Variants in MYH10 observed in about 807,000 individuals in gnomAD.
The protein encoded by MYH10 is myosin-10.
Under a neutral mutation model 257.8 loss-of-function variants are expected in MYH10, and 55 were observed. The ratio of observed to expected loss-of-function variants is 0.21; its 90% CI spans 0.17 to 0.27. The LOEUF (loss-of-function observed/expected upper bound fraction) is 0.27, where lower values mean the gene tolerates loss of function less well. MYH10 is among the 10% of genes least tolerant of loss of function. The pLI, the probability that MYH10 is intolerant of heterozygous loss-of-function variation, is 1.00. For missense variants in MYH10, 1,631 were observed against 2,500.6 expected (o/e 0.65, Z 7.42); for synonymous variants, 854 against 921.7 (o/e 0.93, Z 1.33).
At chr17:8,480,054 GTC>G in intron 40 of MYH10, 54 bp downstream of exon 40, 3 of 1,574,008 alleles carry the variant, frequency 1.9e-6, no homozygotes, top group African/African-American at 2.7e-5. Flanking sequence ...TGCCTGTTTT[GTC>G]TCTGACTGAG....
At chr17:8,617,703 A>G (rs934664825) in intron 2 of MYH10, among the ~76,000 whole-genome samples, 6 of 152,206 alleles carry the variant, frequency 3.9e-5, no homozygotes, top group Non-Finnish European at 5.9e-5. Flanking sequence ...AATATTACAA[A>G]CAGAGAAAAA....
At position 8,504,208 on chromosome 17, in the gene MYH10, A is replaced by G. The variant is rs1016406612; in HGVS notation, c.3599+486T>C. On this transcript the variant is annotated intron_variant, in intron 28 of 42. Coordinates refer to ENST00000360416, the MANE Select transcript of MYH10 (RefSeq NM_001256012.3). The surrounding 1 kb of genome is among the most constrained non-coding windows in gnomAD (Gnocchi z 5.6). ...CTCTGCCCACTGCACACTCTGTCCC[A>G]GTGCGTGCACCAGCCTTCTTCTCAC... Among the ~76,000 whole-genome samples the G allele has an allele frequency of 6.6e-6, 1 of 152,084 alleles. No homozygotes were observed. Among genetic ancestry groups the G allele is most frequent in the Non-Finnish European group, 1.5e-5 (1 of 68,014 alleles).
intron 4 of MYH10, among the ~76,000 whole-genome samples, chr17:8,580,704 T>G (rs1203554871): frequency 6.6e-6 from 1 of 152,218 alleles, no homozygotes; most frequent in Non-Finnish European, 1.5e-5. Context: ...AAATAGTTTC[T>G]ATTCATTCAT....
intron 3 of MYH10, among the ~76,000 whole-genome samples, chr17:8,603,435 T>C (rs1258599142): frequency 2.0e-5 from 3 of 152,216 alleles, no homozygotes; most frequent in Non-Finnish European, 4.4e-5. Flanking sequence ...ATTAGAATGA[T>C]ACATGTGAGC....
intron 6 of MYH10, among the ~76,000 whole-genome samples, chr17:8,575,233 TA>T (rs1162771099): frequency 1.3e-5 from 2 of 150,444 alleles, no homozygotes; most frequent in African/African-American, 4.9e-5. Context: ...ATCCACTCTG[TA>T]GTTTAAAATG....
chr17:8,493,766 G>A lies in MYH10; in HGVS notation c.4176C>T (p.Asn1392=). 1 of 1,613,916 alleles carries A rather than the reference G, an allele frequency of 6.2e-7. No individual in the cohort carries two copies. The highest frequency in any genetic ancestry group is 1.1e-5 in the South Asian group (1 of 91,070). The change falls in exon 32 of 43, where the codon AAC becomes AAT. Residue 1392 remains asparagine, a synonymous_variant. Transcript: ENST00000360416. ...QQEEEEEARK[N]LEKQVLALQS... is the part of the protein sequence containing the mutation. ...GCAGGGCCAGCACTTGCTTCTCCAG[G>A]TTCTTCCTGGCCTCCTCCTCCTCCT...
At chr17:8,565,328 C>T (rs1226709778) in intron 7 of MYH10, among the ~76,000 whole-genome samples, 1 of 152,096 alleles carries the variant, frequency 6.6e-6, no homozygotes, top group Non-Finnish European at 1.5e-5. Flanking sequence ...TTCTTTCAAA[C>T]CCCAAGAACC....
Position 8,475,053 on chromosome 17 carries a change from C to CT in MYH10, c.*750dup, listed in dbSNP as rs1178375062. The CT allele has an allele frequency of 6.6e-6, 1 of 152,504 alleles. No individual in the cohort carries two copies. The highest frequency in any genetic ancestry group is 1.5e-5 in the Non-Finnish European group (1 of 68,252). 9.4% of individuals were successfully genotyped at this position (152,504 alleles called of 1,614,324 possible). A position where few individuals can be genotyped will look rare whatever the true frequency, so the allele number is the denominator to read the frequency against. Reference sequence around the variant, plus strand: ...GCGGTTCGGGAGACCATCTGGAAGTCTACATGATCCATGGCTGCCACCTGG... The same window carrying CT: ...GCGGTTCGGGAGACCATCTGGAAGTCTTACATGATCCATGGCTGCCACCTGG... On this transcript the variant is annotated 3_prime_UTR_variant, in exon 43 of 43. Transcript: ENST00000360416.
intron 2 of MYH10, among the ~76,000 whole-genome samples, chr17:8,611,481 C>T (rs563417110): frequency 1.4e-3 from 213 of 152,062 alleles, no homozygotes; most frequent in African/African-American, 4.9e-3. Context: ...ACAATATGTT[C>T]AAGTAATTAA....
chr17:8,512,128 C>T (rs1381298664), intron 24 of MYH10, among the ~76,000 whole-genome samples: 1 of 152,254 alleles, frequency 6.6e-6, no homozygotes, highest in Non-Finnish European at 1.5e-5. Context: ...AACAGAATCA[C>T]TGACAACATG....
At chr17:8,549,407 T>C (rs2082549754) in intron 9 of MYH10, among the ~76,000 whole-genome samples, 1 of 152,224 alleles carries the variant, frequency 6.6e-6, no homozygotes, top group Non-Finnish European at 1.5e-5. Context: ...TACTGTACCG[T>C]AGGAGACATG....
At chr17:8,572,392 T>C (rs1211316050) in intron 6 of MYH10, among the ~76,000 whole-genome samples, 1 of 152,140 alleles carries the variant, frequency 6.6e-6, no homozygotes, top group African/African-American at 2.4e-5. Flanking sequence ...GGCAAATGCT[T>C]TGCTGAATGA....
At chr17:8,527,909 A>G (rs1178493945) in intron 17 of MYH10, among the ~76,000 whole-genome samples, 1 of 152,238 alleles carries the variant, frequency 6.6e-6, no homozygotes, top group Non-Finnish European at 1.5e-5. Context: ...CATCCATTGA[A>G]AGCGAGAACA....
At chr17:8,540,790 CT>C (rs2082271082) in intron 14 of MYH10, among the ~76,000 whole-genome samples, 1 of 152,150 alleles carries the variant, frequency 6.6e-6, no homozygotes, top group Non-Finnish European at 1.5e-5. Flanking sequence ...ACTCCCTTCC[CT>C]TATTTACATA....
chr17:8,586,277 T>C (rs973358143), intron 4 of MYH10, among the ~76,000 whole-genome samples: 1 of 152,046 alleles, frequency 6.6e-6, no homozygotes, highest in Non-Finnish European at 1.5e-5. Flanking sequence ...CTGAGTACAC[T>C]TGTGTAAATA....
Position 8,504,880 on chromosome 17 carries a change from T to C in MYH10, c.3413A>G (p.Asn1138Ser). 6.2e-7 allele frequency: 1 copy of C among 1,614,184 alleles called. No homozygotes were observed. Among genetic ancestry groups the C allele is most frequent in the Admixed American group, 1.7e-5 (1 of 60,028 alleles). The change falls in exon 28 of 43, where the codon AAC becomes AGC. Residue 1138 changes from asparagine (N) to serine (S), a missense_variant. Asn to Ser is a conservative substitution (Grantham distance 46). This residue lies in a region of MYH10 where 169 missense variants were observed against 249.8 expected (regional missense o/e 0.68). Transcript: ENST00000360416. The surrounding 1 kb of genome is among the most constrained non-coding windows in gnomAD (Gnocchi z 5.6). ...ARGDDETLHK[N>S]NALKVVRELQ... ...CTCTCGCACAACTTTAAGGGCATTG[T>C]TCTTATGGAGTGTTTCATCATCACC...
In MYH10 at chr17:8,490,013, G is replaced by C. The variant is rs138498850; in HGVS notation, c.4884+327C>G. On this transcript the variant is annotated intron_variant, in intron 35 of 42. Coordinates refer to ENST00000360416, the MANE Select transcript of MYH10 (RefSeq NM_001256012.3). This position sits in a 1 kb window ranked among gnomAD's most constrained non-coding sequence, Gnocchi z 4.1. Reference sequence around the variant, plus strand: ...ACATCTGCCGAATCACCGTGTCTGGGATGCATCAATTCTTTCCTATACCCA... The same window carrying C: ...ACATCTGCCGAATCACCGTGTCTGGCATGCATCAATTCTTTCCTATACCCA... 5.9e-5 allele frequency among the ~76,000 whole-genome samples: 9 copies of C among 152,224 alleles called. No individual in the cohort carries two copies. In the East Asian group the frequency reaches 1.7e-3, roughly 29 times the overall value.
At chr17:8,594,170 C>T (rs2084274961) in intron 3 of MYH10, among the ~76,000 whole-genome samples, 1 of 152,100 alleles carries the variant, frequency 6.6e-6, no homozygotes, top group Non-Finnish European at 1.5e-5. Context: ...AAATAGGTCA[C>T]AGACTGGGAG....
intron 36 of MYH10, among the ~76,000 whole-genome samples, chr17:8,486,873 TTTC>T (rs1045031420): frequency 3.3e-5 from 5 of 152,176 alleles, no homozygotes; most frequent in African/African-American, 9.7e-5. Context: ...TACATAAAAA[TTTC>T]TTCTTTATAT....
Sources: allele counts gnomAD v4.1 joint callset (sites outside exome capture counted in the v4.1 genomes callset), GRCh38; gene constraint gnomAD v4.1.1; regional missense constraint gnomAD v4.1.1; non-coding constraint Gnocchi (gnomAD v3.1); transcripts MANE v1.5; gene names NCBI Gene and HGNC (gene_info 2026-07-23, HGNC 2026-07-21).